PRMT2: variants seen among roughly 807,000 people sequenced by gnomAD.
The protein encoded by PRMT2 is protein arginine N-methyltransferase 2.
PRMT2 carries 26 observed loss-of-function variants against 57.6 expected under a neutral mutation model. The observed-to-expected ratio is 0.45, with a 90% CI of 0.33 to 0.63. PRMT2 has a LOEUF of 0.63. Ranked by LOEUF, PRMT2 falls within the 20% of genes least tolerant of loss-of-function variation. The pLI, the probability that PRMT2 is intolerant of heterozygous loss-of-function variation, is 0.02. For synonymous variants in PRMT2, 219 were observed against 220.0 expected, an observed-to-expected ratio of 1.00 and a Z score of 0.04; for missense variants, 472 against 564.4, an observed-to-expected ratio of 0.84 and a Z score of 1.66.
Position 46,661,864 on chromosome 21 carries a change from G to A in PRMT2, c.1025G>A (p.Trp342Ter). ...GGGACCCTGCACGGCTTCACGGCCT[G>A]GTTTAGCGTCCACTTCCAGAGCCTG... ...KAGTLHGFTA[W>*]FSVHFQSLQE... Residue 342 changes from tryptophan to a stop codon, truncating the protein, a stop_gained, in exon 10 of 12, where the codon TGG (tryptophan) becomes TAG (stop). Coordinates refer to ENST00000355680, the MANE Select transcript of PRMT2 (RefSeq NM_206962.4). LOFTEE classifies it high-confidence loss of function. The A allele has an allele frequency of 6.6e-7, 1 of 1,516,848 alleles. No individual in the cohort carries two copies. 94.0% of individuals were successfully genotyped at this position (1,516,848 alleles called of 1,614,324 possible).
intron 7 of PRMT2, chr21:46,654,917 G>A: frequency 3.0e-6 from 3 of 984,372 alleles, no homozygotes; most frequent in Non-Finnish European, 3.6e-6. Flanking sequence ...CTCCCTCTAT[G>A]TATGTACATA....
intron 9 of PRMT2, 135 bp downstream of exon 9, chr21:46,661,097 A>C (rs1398234699): frequency 1.1e-6 from 1 of 892,364 alleles, no homozygotes; most frequent in Non-Finnish European, 1.6e-6. Context: ...TATTATGCAA[A>C]TAAGTGAATT....
At chr21:46,653,357 T>C in intron 7 of PRMT2, 2 of 985,438 alleles carry the variant, frequency 2.0e-6, no homozygotes, top group Non-Finnish European at 2.4e-6. Context: ...CACTTCAGAC[T>C]TCGGATGTAT....
intron 3 of PRMT2, among the ~76,000 whole-genome samples, chr21:46,639,239 A>T (rs1247985560): frequency 6.6e-6 from 1 of 152,206 alleles, no homozygotes; most frequent in Non-Finnish European, 1.5e-5. Context: ...TTTGAAATTT[A>T]TTCAGGCTTG....
chr21:46,648,437 C>G lies in PRMT2; in HGVS notation c.328-21C>G. Reference sequence around the variant, plus strand: ...TGGCTCTAGGTCACAGGCAGTGATTCTGAATGTGCATTTCTTCCAGAAACT... The same window carrying G: ...TGGCTCTAGGTCACAGGCAGTGATTGTGAATGTGCATTTCTTCCAGAAACT... On this transcript the variant is annotated intron_variant, in intron 5 of 11. Coordinates refer to ENST00000355680, the MANE Select transcript of PRMT2 (RefSeq NM_206962.4). The surrounding 1 kb of genome is among the most constrained non-coding windows in gnomAD (Gnocchi z 4.8). 6.2e-7 allele frequency: 1 copy of G among 1,612,770 alleles called. No individual in the cohort carries two copies. Among genetic ancestry groups the G allele is most frequent in the South Asian group, 1.1e-5 (1 of 90,954 alleles).
chr21:46,663,314 A>T, intron 10 of PRMT2, 69 bp from the exon 11 acceptor site: 1 of 1,493,750 alleles, frequency 6.7e-7, no homozygotes, highest in South Asian at 1.3e-5. Flanking sequence ...AGCCTGAGTC[A>T]GCGCCCCGAG....
Position 46,649,899 on chromosome 21 carries a change from G to A in PRMT2, c.654+160G>A. On this transcript the variant is annotated intron_variant, in intron 7 of 11. Transcript: ENST00000355680. This position sits in a 1 kb window ranked among gnomAD's most constrained non-coding sequence, Gnocchi z 4.8. ...AATTTCTTGTGTGGACATTGGCTCAGTGTCTTGAATTTTCACCTGATTTAA... is the reference window on the plus strand; with the variant it reads ...AATTTCTTGTGTGGACATTGGCTCAATGTCTTGAATTTTCACCTGATTTAA... 6 of 1,463,538 alleles carry A rather than the reference G, an allele frequency of 4.1e-6. No individual in the cohort carries two copies. The highest frequency in any genetic ancestry group is 5.4e-6 in the Non-Finnish European group (6 of 1,101,988). The allele number at this position is 1,463,538 out of a possible 1,614,324, so 90.7% of individuals were successfully genotyped here.
intron 9 of PRMT2, 47 bp from the exon 10 acceptor site, chr21:46,661,753 C>A (rs376459907): frequency 1.6e-6 from 2 of 1,286,578 alleles, no homozygotes; most frequent in South Asian, 2.4e-5. Flanking sequence ...CCGGGCCCTG[C>A]GGTGCCACGC....
At chr21:46,652,433 AG>A (rs2061474257) in intron 7 of PRMT2, 3 of 1,054,604 alleles carry the variant, frequency 2.8e-6, no homozygotes, top group South Asian at 6.0e-5. Context: ...CATAAGATAA[AG>A]GTAACCTCAT....
intron 7 of PRMT2, chr21:46,652,453 A>G (rs1204624523): frequency 9.6e-7 from 1 of 1,044,744 alleles, no homozygotes; most frequent in African/African-American, 1.7e-5. Context: ...ATGGAAGGTG[A>G]GCAGGGACTA....
chr21:46,652,341 G>A (rs1439820793), intron 7 of PRMT2: 1 of 1,152,238 alleles, frequency 8.7e-7, no homozygotes, highest in South Asian at 2.5e-5. Context: ...CATTAGCACA[G>A]CTAAAAACTA....
In PRMT2 at chr21:46,644,485, T is replaced by C. The variant is rs2061331259; in HGVS notation, c.324T>C (p.Thr108=). The C allele has an allele frequency of 4.4e-6, 7 of 1,575,934 alleles. No homozygotes were observed. The highest frequency in any genetic ancestry group is 6.0e-6 in the Non-Finnish European group (7 of 1,163,658). The change falls in exon 5 of 12, where the codon ACT becomes ACC. Residue 108 remains threonine (T), a synonymous_variant. Coordinates refer to ENST00000355680, the MANE Select transcript of PRMT2 (RefSeq NM_206962.4). ...AAGAGTACTTCGGCAGCTATGGAAC[T>C]CTGGTATTGCTTTCTAAATTCCCTG... ...QDEEYFGSYG[T]LKLHLEMLAD...
intron 9 of PRMT2, 196 bp from the exon 10 acceptor site, chr21:46,661,604 A>T: frequency 2.3e-6 from 1 of 431,956 alleles, no homozygotes; most frequent in Non-Finnish European, 3.8e-6. Flanking sequence ...AGAAGCTCAG[A>T]TGCTTGAAAC....
At chr21:46,650,622 G>T (rs2061435582) in intron 7 of PRMT2, among the ~76,000 whole-genome samples, 1 of 152,194 alleles carries the variant, frequency 6.6e-6, no homozygotes, top group Admixed American at 6.5e-5. Context: ...ATTTGCCTTT[G>T]CCCTGAACAG....
In PRMT2 at chr21:46,648,363, G is replaced by A. The variant is rs148848143; in HGVS notation, c.328-95G>A. The stretch of plus-strand genomic sequence containing the variant: ...TCTTCCATAGGGGTGTTGGGGTCAG[G>A]GGTCATCAGCTGTGGCTCTGACCCT... On this transcript the variant is annotated intron_variant, in intron 5 of 11. Transcript: ENST00000355680. The surrounding 1 kb of genome is among the most constrained non-coding windows in gnomAD (Gnocchi z 4.8). 4 of 1,375,694 alleles carry A rather than the reference G, an allele frequency of 2.9e-6. No individual in the cohort carries two copies. In the African/African-American group the frequency reaches 5.7e-5, roughly 20 times the overall value. The allele number at this position is 1,375,694 out of a possible 1,614,324, so 85.2% of individuals were successfully genotyped here. A position where few individuals can be genotyped will look rare whatever the true frequency, so the allele number is the denominator to read the frequency against.
At chr21:46,662,664 A>G (rs1209679008) in intron 10 of PRMT2, among the ~76,000 whole-genome samples, 2 of 152,082 alleles carry the variant, frequency 1.3e-5, no homozygotes, top group African/African-American at 4.8e-5. Context: ...GAGGGGTGTG[A>G]CCAGAGTCAG....
chr21:46,653,375 T>C (rs998727524), intron 7 of PRMT2: 2 of 985,340 alleles, frequency 2.0e-6, no homozygotes, highest in African/African-American at 1.7e-5. Flanking sequence ...TATTTAAGGC[T>C]GTTTGCACAT....
At chr21:46,652,193 G>A (rs766188354) in intron 7 of PRMT2, 64 of 1,390,874 alleles carry the variant, frequency 4.6e-5, no homozygotes, top group Non-Finnish European at 5.7e-5. Context: ...GGGCTCAAGA[G>A]TTAAATATTT....
intron 9 of PRMT2, 72 bp downstream of exon 9, chr21:46,661,034 T>C: frequency 6.7e-7 from 1 of 1,487,836 alleles, no homozygotes; most frequent in Admixed American, 2.0e-5. Context: ...AGAGCCTGGC[T>C]TATCAAAAAC....
Sources: allele counts gnomAD v4.1 joint callset (sites outside exome capture counted in the v4.1 genomes callset), GRCh38; gene constraint gnomAD v4.1.1; non-coding constraint Gnocchi (gnomAD v3.1); transcripts MANE v1.5; gene names NCBI Gene and HGNC (gene_info 2026-07-23, HGNC 2026-07-21).